The following FMN2 variants were observed in gnomAD, a reference collection of about 807,000 sequenced individuals.
FMN2 encodes formin 2.
FMN2 carries 51 observed loss-of-function variants against 142.3 expected under a neutral mutation model. The ratio of observed to expected loss-of-function variants is 0.36; its 90% CI spans 0.29 to 0.45. The LOEUF (loss-of-function observed/expected upper bound fraction) is 0.45, where lower values mean the gene tolerates loss of function less well. Among genes scored for constraint, FMN2 ranks in the 20% least tolerant of loss-of-function variants. The pLI, the probability that FMN2 is intolerant of heterozygous loss-of-function variation, is 1.00. For missense variants in FMN2, 1,936 were observed against 2,122.8 expected (o/e 0.91, Z 1.73); for synonymous variants, 882 against 869.8 (o/e 1.01, Z -0.25).
At chr1:240,306,816 A>G (rs573699563) in intron 8 of FMN2, among the ~76,000 whole-genome samples, 1 of 152,338 alleles carries the variant, frequency 6.6e-6, no homozygotes, top group East Asian at 1.9e-4. Context: ...TTCATTGGGA[A>G]ATCTCCAAAC....
At chr1:240,262,779 TGAGAC>T (rs1668673462) in intron 7 of FMN2, among the ~76,000 whole-genome samples, 2 of 149,022 alleles carry the variant, frequency 1.3e-5, no homozygotes, top group Admixed American at 6.9e-5. Flanking sequence ...TTTTTTTTTT[TGAGAC>T]AGAGTCTCAC....
At chr1:240,319,871 T>A (rs1670910773) in intron 8 of FMN2, among the ~76,000 whole-genome samples, 1 of 152,218 alleles carries the variant, frequency 6.6e-6, no homozygotes, top group Admixed American at 6.5e-5. Context: ...CATAGCCGCC[T>A]GTTTCCCCTC....
chr1:240,333,677 G>A (rs901369820), intron 11 of FMN2, among the ~76,000 whole-genome samples: 9 of 152,112 alleles, frequency 5.9e-5, no homozygotes, highest in African/African-American at 2.2e-4. Context: ...CTAAATAGCT[G>A]TGCTAAGATT....
chr1:240,225,697 A>G (rs942837760), intron 6 of FMN2, among the ~76,000 whole-genome samples: 8 of 151,902 alleles, frequency 5.3e-5, no homozygotes, highest in Admixed American at 3.9e-4. Flanking sequence ...ACAGGAAAAC[A>G]AACAGGCAAC....
At chr1:240,111,277 C>A (rs1426946907) in intron 1 of FMN2, among the ~76,000 whole-genome samples, 1 of 152,104 alleles carries the variant, frequency 6.6e-6, no homozygotes, top group East Asian at 1.9e-4. Flanking sequence ...GGGTCCCAAT[C>A]CAGACCCTAA....
At chr1:240,391,491 G>A (rs1175047623) in intron 14 of FMN2, among the ~76,000 whole-genome samples, 1 of 151,952 alleles carries the variant, frequency 6.6e-6, no homozygotes, top group Non-Finnish European at 1.5e-5. Context: ...TCTCCAAATG[G>A]CCCCACATGT....
At chr1:240,245,515 CACTG>C (rs1217833729) in intron 6 of FMN2, 3 of 471,440 alleles carry the variant, frequency 6.4e-6, no homozygotes, top group Admixed American at 4.7e-5. Flanking sequence ...ATCATGGTAT[CACTG>C]ACTGAGCTCT....
At position 240,387,639 on chromosome 1, in the gene FMN2, A is replaced by G. The variant is rs566758042; in HGVS notation, c.4859-4872A>G. On this transcript the variant is annotated intron_variant, in intron 14 of 17. Transcript: ENST00000319653. ...CGTGGTTTTATAAAGGTCTTGGGCC[A>G]TAATTTCTCTGTTGCTGTAAAGAGG... 2.1e-4 allele frequency among the ~76,000 whole-genome samples: 32 copies of G among 152,362 alleles called. No individual in the cohort carries two copies. In the South Asian group the frequency reaches 6.2e-3, roughly 30 times the overall value.
At chr1:240,238,281 A>C (rs887225443) in intron 6 of FMN2, among the ~76,000 whole-genome samples, 1 of 152,248 alleles carries the variant, frequency 6.6e-6, no homozygotes, top group Non-Finnish European at 1.5e-5. Flanking sequence ...TCATTTAGCT[A>C]TCTATTAGAT....
intron 14 of FMN2, among the ~76,000 whole-genome samples, chr1:240,388,169 C>T (rs1194138396): frequency 3.7e-5 from 3 of 82,116 alleles, no homozygotes; most frequent in Non-Finnish European, 6.3e-5. Flanking sequence ...CAGAGCAAGA[C>T]TCCCATCTCA....
intron 14 of FMN2, among the ~76,000 whole-genome samples, chr1:240,365,322 C>T (rs904582477): frequency 3.3e-5 from 4 of 122,724 alleles, no homozygotes; most frequent in African/African-American, 9.8e-5. Context: ...CATATATATA[C>T]ACACACACAC....
intron 6 of FMN2, among the ~76,000 whole-genome samples, chr1:240,253,772 T>A (rs1034953528): frequency 6.6e-6 from 1 of 152,220 alleles, no homozygotes. Context: ...TTCCTGAAGA[T>A]GTATCTGTGG....
At chr1:240,295,843 C>T (rs1218393141) in intron 8 of FMN2, among the ~76,000 whole-genome samples, 1 of 152,214 alleles carries the variant, frequency 6.6e-6, no homozygotes. Flanking sequence ...ACCTACACTG[C>T]TTTCTATTAT....
intron 6 of FMN2, among the ~76,000 whole-genome samples, chr1:240,244,533 G>A (rs980875444): frequency 2.0e-5 from 3 of 152,204 alleles, no homozygotes; most frequent in Non-Finnish European, 4.4e-5. Context: ...TTGGCTACTT[G>A]TGTAATAAAT....
chr1:240,198,872 C>T (rs1450980250), intron 4 of FMN2, among the ~76,000 whole-genome samples: 3 of 151,950 alleles, frequency 2.0e-5, no homozygotes, highest in Non-Finnish European at 2.9e-5. Context: ...TTTGGGAGGC[C>T]GAGGTGGGCG....
intron 4 of FMN2, among the ~76,000 whole-genome samples, chr1:240,205,618 C>A (rs1314920192): frequency 6.6e-6 from 1 of 151,746 alleles, no homozygotes; most frequent in African/African-American, 2.4e-5. Context: ...CCCGCCACCA[C>A]GCCCGGCTAA....
chr1:240,454,515 C>T (rs1468405765), intron 16 of FMN2, among the ~76,000 whole-genome samples: 1 of 152,150 alleles, frequency 6.6e-6, no homozygotes, highest in Non-Finnish European at 1.5e-5. Context: ...GCACTTCAGC[C>T]TCGGTGATGG....
chr1:240,293,101 A>C (rs1669848606), intron 7 of FMN2, among the ~76,000 whole-genome samples: 1 of 152,122 alleles, frequency 6.6e-6, no homozygotes, highest in Admixed American at 6.6e-5. Context: ...TATTCTTTCG[A>C]TCTCATGTAT....
chr1:240,463,589 G>C (rs1676516816), intron 16 of FMN2, among the ~76,000 whole-genome samples: 1 of 152,190 alleles, frequency 6.6e-6, no homozygotes, highest in African/African-American at 2.4e-5. Flanking sequence ...GGGAAAGCAT[G>C]ACATTTGAAA....
Sources: allele counts gnomAD v4.1 joint callset (sites outside exome capture counted in the v4.1 genomes callset), GRCh38; gene constraint gnomAD v4.1.1; transcripts MANE v1.5; gene names NCBI Gene and HGNC (gene_info 2026-07-23, HGNC 2026-07-21).